Variants in RAPGEF2 observed in about 807,000 individuals in gnomAD.
The protein encoded by RAPGEF2 is Rap guanine nucleotide exchange factor 2.
In RAPGEF2, 54 loss-of-function variants were observed where a neutral mutation model predicts 186.7. The ratio of observed to expected loss-of-function variants is 0.29; its 90% CI spans 0.23 to 0.36. The LOEUF (loss-of-function observed/expected upper bound fraction) is 0.36, where lower values mean the gene tolerates loss of function less well. Among genes scored for constraint, RAPGEF2 ranks in the 10% least tolerant of loss-of-function variants. The probability of loss-of-function intolerance (pLI) is 1.00; values close to 1 mark genes in which losing one functional copy is unlikely to be tolerated. For missense variants in RAPGEF2, 1,532 were observed against 2,045.0 expected (o/e 0.75, Z 4.84); for synonymous variants, 712 against 705.9 (o/e 1.01, Z -0.14).
intron 1 of RAPGEF2, among the ~76,000 whole-genome samples, chr4:159,182,161 G>A (rs943434761): frequency 6.6e-6 from 1 of 152,044 alleles, no homozygotes; most frequent in Admixed American, 6.6e-5. Context: ...CTTTTAAAAG[G>A]CTTCTTGGAA....
At chr4:159,237,924 A>G (rs1753483298) in intron 4 of RAPGEF2, among the ~76,000 whole-genome samples, 1 of 147,882 alleles carries the variant, frequency 6.8e-6, no homozygotes, top group African/African-American at 2.5e-5. Context: ...AGTCTGAGGC[A>G]GGAGGGTTGC....
chr4:159,315,371 A>C (rs2111113838), intron 9 of RAPGEF2, among the ~76,000 whole-genome samples: 1 of 148,814 alleles, frequency 6.7e-6, no homozygotes, highest in Non-Finnish European at 1.5e-5. Context: ...AACCTGTGTC[A>C]TGGGGGTTTG....
intron 4 of RAPGEF2, among the ~76,000 whole-genome samples, chr4:159,222,607 A>T (rs1751646337): frequency 6.6e-6 from 1 of 152,204 alleles, no homozygotes; most frequent in South Asian, 2.1e-4. Flanking sequence ...GCTAAGTGCT[A>T]AGGAACTCAT....
At chr4:159,111,622 C>T (rs1019117106) in intron 1 of RAPGEF2, among the ~76,000 whole-genome samples, 2 of 152,096 alleles carry the variant, frequency 1.3e-5, no homozygotes, top group Non-Finnish European at 2.9e-5. Context: ...TCTTAGAAGC[C>T]AACAATCAGT....
chr4:159,343,535 G>C, intron 22 of RAPGEF2, 131 bp downstream of exon 22: 1 of 1,184,856 alleles, frequency 8.4e-7, no homozygotes. Flanking sequence ...AGGATGTGCT[G>C]AGAATCACCT....
intron 1 of RAPGEF2, among the ~76,000 whole-genome samples, chr4:159,131,546 T>TTTA (rs1741107605): frequency 7.1e-6 from 1 of 140,024 alleles, no homozygotes; most frequent in South Asian, 2.2e-4. Context: ...TTTTTTTTTT[T>TTTA]AGCTTTTGCT....
chr4:159,243,474 ATTC>A (rs1754257081), intron 6 of RAPGEF2, among the ~76,000 whole-genome samples: 1 of 152,008 alleles, frequency 6.6e-6, no homozygotes, highest in Non-Finnish European at 1.5e-5. Flanking sequence ...ATATTTACTT[ATTC>A]TTAACAGAAA....
chr4:159,105,122 A>T (rs995601301), intron 1 of RAPGEF2, among the ~76,000 whole-genome samples: 1 of 152,202 alleles, frequency 6.6e-6, no homozygotes, highest in African/African-American at 2.4e-5. Flanking sequence ...GAGAGGGGGA[A>T]ATTTTATAAA....
At position 159,233,322 on chromosome 4, in the gene RAPGEF2, A is replaced by G. The variant is rs2111444728; in HGVS notation, c.282-5487A>G. ...TAGCTTGTTGATTCATTTTGAGTTA[A>G]TTTTTGTGTATCTTGTGCGGTAGGG... On this transcript the variant is annotated intron_variant, in intron 4 of 29. Transcript: ENST00000691494. Among the ~76,000 whole-genome samples the G allele has an allele frequency of 2.0e-5, 3 of 152,176 alleles. No homozygotes were observed. In the East Asian group the frequency reaches 5.8e-4, roughly 29 times the overall value.
chr4:159,322,282 TC>T (rs3840265), intron 9 of RAPGEF2, 64 bp from the exon 10 acceptor site: 1 of 1,500,772 alleles, frequency 6.7e-7, no homozygotes, highest in East Asian at 2.3e-5. Flanking sequence ...CCTAAAACAT[TC>T]TTTTTGAATA....
At chr4:159,338,048 A>G (rs1292017815) in intron 17 of RAPGEF2, among the ~76,000 whole-genome samples, 2 of 152,120 alleles carry the variant, frequency 1.3e-5, no homozygotes, top group Non-Finnish European at 2.9e-5. Context: ...TGAGGCCAAG[A>G]GTTTCAAGCC....
intron 1 of RAPGEF2, among the ~76,000 whole-genome samples, chr4:159,144,145 C>T (rs1284900158): frequency 6.6e-6 from 1 of 152,098 alleles, no homozygotes; most frequent in African/African-American, 2.4e-5. Flanking sequence ...CCTTCCAATC[C>T]ATGTTTTTAA....
intron 7 of RAPGEF2, among the ~76,000 whole-genome samples, chr4:159,255,628 T>C (rs1376498919): frequency 6.6e-6 from 1 of 152,220 alleles, no homozygotes; most frequent in African/African-American, 2.4e-5. Flanking sequence ...TGGTGAAAAC[T>C]GAAATGGCCA....
At chr4:159,223,930 G>A (rs1279271047) in intron 4 of RAPGEF2, among the ~76,000 whole-genome samples, 2 of 150,242 alleles carry the variant, frequency 1.3e-5, no homozygotes, top group Admixed American at 6.6e-5. Context: ...ACAGAGTCTC[G>A]CTCTGCCACC....
At chr4:159,326,044 C>A (rs1429024326) in intron 11 of RAPGEF2, among the ~76,000 whole-genome samples, 1 of 152,140 alleles carries the variant, frequency 6.6e-6, no homozygotes. Context: ...ACACTCCACA[C>A]CACTGTAAAA....
At chr4:159,148,231 C>T (rs1018498157) in intron 1 of RAPGEF2, among the ~76,000 whole-genome samples, 2 of 152,082 alleles carry the variant, frequency 1.3e-5, no homozygotes, top group African/African-American at 4.8e-5. Context: ...ACCACATTTA[C>T]AGTTAATAGT....
intron 1 of RAPGEF2, among the ~76,000 whole-genome samples, chr4:159,120,700 T>C (rs549850987): frequency 6.6e-6 from 1 of 152,330 alleles, no homozygotes; most frequent in African/African-American, 2.4e-5. Flanking sequence ...TTATTTCTTT[T>C]GGTGGGACTA....
intron 7 of RAPGEF2, among the ~76,000 whole-genome samples, chr4:159,276,288 T>C (rs542730946): frequency 6.6e-6 from 1 of 152,330 alleles, no homozygotes; most frequent in Non-Finnish European, 1.5e-5. Context: ...TAATTGATTT[T>C]ACACTTACTT....
At chr4:159,284,513 C>T (rs1760182609) in intron 7 of RAPGEF2, among the ~76,000 whole-genome samples, 1 of 143,698 alleles carries the variant, frequency 7.0e-6, no homozygotes, top group African/African-American at 2.9e-5. Flanking sequence ...CACACACACA[C>T]ACACACACAC....
Sources: gnomAD v4.1 joint callset for allele counts (sites outside exome capture counted in the v4.1 genomes callset) on GRCh38, gnomAD v4.1.1 for gene constraint, MANE v1.5 for transcripts, NCBI Gene and HGNC (gene_info 2026-07-23, HGNC 2026-07-21) for gene names.